GRIA1: variants seen among roughly 807,000 people sequenced by gnomAD.
GRIA1 encodes glutamate ionotropic receptor AMPA type subunit 1.
Under a neutral mutation model 99.2 loss-of-function variants are expected in GRIA1, and 31 were observed. The ratio of observed to expected loss-of-function variants is 0.31; its 90% CI spans 0.23 to 0.42. The LOEUF (loss-of-function observed/expected upper bound fraction) is 0.42, where lower values mean the gene tolerates loss of function less well. Among genes scored for constraint, GRIA1 ranks in the 10% least tolerant of loss-of-function variants. The probability of loss-of-function intolerance (pLI) is 1.00; values close to 1 mark genes in which losing one functional copy is unlikely to be tolerated. For missense variants in GRIA1, 782 were observed against 1,157.5 expected, an observed-to-expected ratio of 0.68 and a Z score of 4.71; for synonymous variants, 438 against 432.4, an observed-to-expected ratio of 1.01 and a Z score of -0.16.
At chr5:153,630,903 G>A (rs1752914863) in intron 2 of GRIA1, among the ~76,000 whole-genome samples, 1 of 152,152 alleles carries the variant, frequency 6.6e-6, no homozygotes, top group Non-Finnish European at 1.5e-5. Context: ...CAGAACCTAT[G>A]GAGGAAATCA....
At chr5:153,743,760 C>T (rs1249054067) in intron 11 of GRIA1, among the ~76,000 whole-genome samples, 2 of 152,170 alleles carry the variant, frequency 1.3e-5, no homozygotes, top group African/African-American at 4.8e-5. Context: ...ATTACATGGG[C>T]AAAAGCAAAA....
chr5:153,508,843 C>G (rs896842676), intron 2 of GRIA1, among the ~76,000 whole-genome samples: 1 of 137,510 alleles, frequency 7.3e-6, no homozygotes, highest in Admixed American at 7.5e-5. Flanking sequence ...AACCATGATT[C>G]TGATTACACT....
At chr5:153,707,372 C>T (rs1192797761) in intron 11 of GRIA1, among the ~76,000 whole-genome samples, 3 of 152,166 alleles carry the variant, frequency 2.0e-5, no homozygotes. Context: ...CAATCTAGAC[C>T]AAGTCCACAT....
chr5:153,701,069 A>G (rs1261902232), intron 10 of GRIA1, among the ~76,000 whole-genome samples: 1 of 152,210 alleles, frequency 6.6e-6, no homozygotes, highest in East Asian at 1.9e-4. Flanking sequence ...GGTCATCCCC[A>G]TGGCAACTGC....
chr5:153,542,186 G>A (rs556886491), intron 2 of GRIA1, among the ~76,000 whole-genome samples: 15 of 152,150 alleles, frequency 9.9e-5, no homozygotes, highest in Admixed American at 3.9e-4. Flanking sequence ...TGTTCAGAGA[G>A]TAGCTCTAAC....
chr5:153,806,388 C>T (rs947668910), intron 15 of GRIA1, among the ~76,000 whole-genome samples: 1 of 152,166 alleles, frequency 6.6e-6, no homozygotes, highest in African/African-American at 2.4e-5. Context: ...ACCTCAGCCT[C>T]CCGAGTAGCT....
At chr5:153,730,772 C>T (rs1157849176) in intron 11 of GRIA1, among the ~76,000 whole-genome samples, 3 of 152,046 alleles carry the variant, frequency 2.0e-5, no homozygotes, top group African/African-American at 7.2e-5. Context: ...CATAACGTCC[C>T]GGACTAGTTT....
chr5:153,681,068 C>T lies in GRIA1; in HGVS notation c.1029+3907C>T, dbSNP rs575024306. 9.9e-5 allele frequency among the ~76,000 whole-genome samples: 15 copies of T among 152,246 alleles called. No individual in the cohort carries two copies. In the South Asian group the frequency reaches 2.1e-3, roughly 21 times the overall value. On this transcript the variant is annotated intron_variant, in intron 7 of 15. Coordinates refer to ENST00000285900, the MANE Select transcript of GRIA1 (RefSeq NM_000827.4). Reference sequence around the variant, plus strand: ...AGCTAATAGTTTTGTAGGCTGCACACGAAGTACACTGCCAGCATCTATTTT... The same window carrying T: ...AGCTAATAGTTTTGTAGGCTGCACATGAAGTACACTGCCAGCATCTATTTT...
chr5:153,778,395 G>C (rs182915326), intron 13 of GRIA1, among the ~76,000 whole-genome samples: 2 of 152,164 alleles, frequency 1.3e-5, no homozygotes, highest in Admixed American at 6.5e-5. Context: ...TTTAGGGGTG[G>C]TGATAAGACT....
At chr5:153,634,554 G>A (rs1753215813) in intron 2 of GRIA1, among the ~76,000 whole-genome samples, 1 of 152,094 alleles carries the variant, frequency 6.6e-6, no homozygotes, top group Admixed American at 6.5e-5. Flanking sequence ...GTCATGGCCT[G>A]GAAGCAGATG....
intron 2 of GRIA1, among the ~76,000 whole-genome samples, chr5:153,551,081 C>A (rs1760093013): frequency 6.6e-6 from 1 of 152,076 alleles, no homozygotes; most frequent in African/African-American, 2.4e-5. Flanking sequence ...TTATTCATAA[C>A]TGGCTCAAGA....
At chr5:153,750,205 T>C (rs1762421085) in intron 11 of GRIA1, among the ~76,000 whole-genome samples, 1 of 152,174 alleles carries the variant, frequency 6.6e-6, no homozygotes, top group Non-Finnish European at 1.5e-5. Flanking sequence ...TCTAGGAACC[T>C]CGATGCCCAG....
rs139767333 is a variant in GRIA1, at chr5:153,729,472, G to A, written c.1823+23405G>A. On this transcript the variant is annotated intron_variant, in intron 11 of 15. Coordinates refer to ENST00000285900, the MANE Select transcript of GRIA1 (RefSeq NM_000827.4). The stretch of plus-strand genomic sequence containing the variant: ...AGTAGTGCATTTTTTAACCAGTTGA[G>A]TCTAAGGTATTACACAGTAAAGAGT... Among the ~76,000 whole-genome samples the A allele has an allele frequency of 2.7e-3, 415 of 152,140 alleles. 2 individuals carry two copies. Among genetic ancestry groups the A allele is most frequent in the African/African-American group, 9.7e-3 (401 of 41,544 alleles).
chr5:153,737,528 A>T (rs1239010866), intron 11 of GRIA1, among the ~76,000 whole-genome samples: 1 of 152,144 alleles, frequency 6.6e-6, no homozygotes, highest in Non-Finnish European at 1.5e-5. Flanking sequence ...ACTGGCTAGA[A>T]CATTAATTTT....
chr5:153,585,437 T>C (rs1021800820), intron 2 of GRIA1, among the ~76,000 whole-genome samples: 32 of 151,052 alleles, frequency 2.1e-4, no homozygotes, highest in African/African-American at 7.8e-4. Flanking sequence ...CCCTCCCAAG[T>C]AGCTGGGACT....
chr5:153,720,224 C>G (rs1759957610), intron 11 of GRIA1, among the ~76,000 whole-genome samples: 1 of 152,144 alleles, frequency 6.6e-6, no homozygotes, highest in Admixed American at 6.5e-5. Context: ...TTGGATGAAG[C>G]ATTTTTATTG....
rs1257390487 is a variant in GRIA1 at position 153,705,759 on chromosome 5, C to T, written c.1515C>T (p.Phe505=). The T allele has an allele frequency of 1.5e-6, 2 of 1,366,636 alleles. No individual in the cohort carries two copies. Among genetic ancestry groups the T allele is most frequent in the Non-Finnish European group, 1.9e-6 (2 of 1,033,808 alleles). The allele number at this position is 1,366,636 out of a possible 1,614,324, so 84.7% of individuals were successfully genotyped here. A position where few individuals can be genotyped will look rare whatever the true frequency, so the allele number is the denominator to read the frequency against. Residue 505 remains phenylalanine (F), a synonymous_variant, in exon 11 of 16, where the codon TTC becomes TTT. Transcript: ENST00000285900. ...TGGTCCGGGAAGAAGTTATAGATTTCTCCAAACCATTTATGAGTTTGGGGA... is the reference window on the plus strand; with the variant it reads ...TGGTCCGGGAAGAAGTTATAGATTTTTCCAAACCATTTATGAGTTTGGGGA... ...ITLVREEVID[F]SKPFMSLGIS...
chr5:153,519,061 G>A (rs983149041), intron 2 of GRIA1, among the ~76,000 whole-genome samples: 1 of 152,120 alleles, frequency 6.6e-6, no homozygotes, highest in Non-Finnish European at 1.5e-5. Flanking sequence ...TCAGGAGATC[G>A]AGACCATCCT....
At chr5:153,620,165 G>C (rs1766896826) in intron 2 of GRIA1, among the ~76,000 whole-genome samples, 1 of 152,310 alleles carries the variant, frequency 6.6e-6, no homozygotes, top group East Asian at 1.9e-4. Context: ...AGGTCAGGAA[G>C]TATAATGTGG....
Sources: gnomAD v4.1 joint callset for allele counts (sites outside exome capture counted in the v4.1 genomes callset) on GRCh38, gnomAD v4.1.1 for gene constraint, MANE v1.5 for transcripts, NCBI Gene and HGNC (gene_info 2026-07-23, HGNC 2026-07-21) for gene names.